Variants in ATF6B observed in about 807,000 individuals in gnomAD.
The protein encoded by ATF6B is activating transcription factor 6 beta, also known as cyclic AMP-dependent transcription factor ATF-6 beta.
Under a neutral mutation model 83.5 loss-of-function variants are expected in ATF6B, and 50 were observed. The observed-to-expected ratio is 0.60, with a 90% CI of 0.48 to 0.76. ATF6B has a LOEUF of 0.76. Among genes scored for constraint, ATF6B ranks in the 30% least tolerant of loss-of-function variants. ATF6B has a pLI of 0.00. For synonymous variants in ATF6B, 344 were observed against 362.8 expected (o/e 0.95, Z 0.59); for missense variants, 790 against 893.8 (o/e 0.88, Z 1.48).
In ATF6B at chr6:32,128,211, T is replaced by TA; in HGVS notation, c.-5_-4insT. 6.5e-7 allele frequency: 1 copy of TA among 1,536,862 alleles called. No individual in the cohort carries two copies. The highest frequency in any genetic ancestry group is 1.1e-5 in the South Asian group (1 of 87,860). ...TGAGCAGCATCAGCTCCGCCATCTT[T>TA]CCCCCCCACCCCCCAACCAGGAGAC... On this transcript the variant is annotated 5_prime_UTR_variant, in exon 1 of 18. Coordinates refer to ENST00000375203, the MANE Select transcript of ATF6B (RefSeq NM_004381.5).
rs1008681513 is a variant in ATF6B at position 32,117,390 on chromosome 6, A to G, written c.1547T>C (p.Leu516Ser). ...CTGGTGGCGCTGGACCCAGCCACTCAACTCGTCAGCAAGCCTGGGGAAATG... is the reference window on the plus strand; with the variant it reads ...CTGGTGGCGCTGGACCCAGCCACTCGACTCGTCAGCAAGCCTGGGGAAATG... ...RTESLRLADELSGWVQRHQRG... is the reference protein window; with the variant it reads ...RTESLRLADESSGWVQRHQRG... The change falls in exon 14 of 18, where the codon TTG (leucine) becomes TCG (serine). Residue 516 changes from leucine (L) to serine (S), a missense_variant. This residue lies in a region of ATF6B where 530 missense variants were observed against 632.6 expected (regional missense o/e 0.84). Coordinates refer to ENST00000375203, the MANE Select transcript of ATF6B (RefSeq NM_004381.5). This position sits in a 1 kb window ranked among gnomAD's most constrained non-coding sequence, Gnocchi z 5.0. The G allele has an allele frequency of 3.9e-5, 63 of 1,613,912 alleles. No homozygotes were observed. Among genetic ancestry groups the G allele is most frequent in the Non-Finnish European group, 5.3e-5 (63 of 1,179,972 alleles).
chr6:32,121,209 G>A, intron 6 of ATF6B, 54 bp downstream of exon 6: 1 of 1,610,354 alleles, frequency 6.2e-7, no homozygotes, highest in Non-Finnish European at 8.5e-7. Context: ...CATACCTCTA[G>A]GTCAGGAGGA....
chr6:32,116,895 G>C lies in ATF6B; in HGVS notation c.1686-80C>G. 1.3e-6 allele frequency: 2 copies of C among 1,555,724 alleles called. No individual in the cohort carries two copies. The highest frequency in any genetic ancestry group is 1.4e-5 in the African/African-American group (1 of 73,580). On this transcript the variant is annotated intron_variant, in intron 15 of 17. Coordinates refer to ENST00000375203, the MANE Select transcript of ATF6B (RefSeq NM_004381.5). This position sits in a 1 kb window ranked among gnomAD's most constrained non-coding sequence, Gnocchi z 5.1. Reference sequence around the variant, plus strand: ...TACCAGGGAAGCGGGTAGGATGAGAGAAAAAGACAGGAGACCCCCAGTGGA... The same window carrying C: ...TACCAGGGAAGCGGGTAGGATGAGACAAAAAGACAGGAGACCCCCAGTGGA...
intron 4 of ATF6B, 22 bp downstream of exon 4, chr6:32,127,081 A>G: frequency 1.3e-6 from 2 of 1,545,064 alleles, no homozygotes; most frequent in Non-Finnish European, 1.8e-6. Flanking sequence ...CACAGAGAGT[A>G]AGAGGGATAT....
rs1781630240 is a variant in ATF6B at position 32,118,689 on chromosome 6, G to A, written c.1244+86C>T. 2 of 1,371,186 alleles carry A rather than the reference G, an allele frequency of 1.5e-6. No homozygotes were observed. Among genetic ancestry groups the A allele is most frequent in the South Asian group, 1.2e-5 (1 of 83,862 alleles). 84.9% of individuals were successfully genotyped at this position (1,371,186 alleles called of 1,614,324 possible). ...AGAACCATTTGTATATAAGCAGAAG[G>A]AAATGGCCTGGGCCAAAGCAGGCAG... On this transcript the variant is annotated intron_variant, in intron 11 of 17. Transcript: ENST00000375203. The surrounding 1 kb of genome is among the most constrained non-coding windows in gnomAD (Gnocchi z 5.2).
In ATF6B at chr6:32,127,779, C is replaced by CG. The variant is rs766349344; in HGVS notation, c.92-30dup. On this transcript the variant is annotated intron_variant, in intron 1 of 17. Transcript: ENST00000375203. The stretch of plus-strand genomic sequence containing the variant: ...CAAGAAATGCTGAGCGTCGGGGGGT[C>CG]GTTCGGTGGCCCCAGCCTACAGATC... 7.1e-5 allele frequency: 114 copies of CG among 1,610,022 alleles called. No individual in the cohort carries two copies. In the African/African-American group the frequency reaches 1.5e-3, roughly 21 times the overall value.
chr6:32,117,494 G>A lies in ATF6B; in HGVS notation c.1533-90C>T. 6.3e-7 allele frequency: 1 copy of A among 1,592,098 alleles called. No homozygotes were observed. The highest frequency in any genetic ancestry group is 1.1e-5 in the South Asian group (1 of 89,622). On this transcript the variant is annotated intron_variant, in intron 13 of 17. Transcript: ENST00000375203. The surrounding 1 kb of genome is among the most constrained non-coding windows in gnomAD (Gnocchi z 5.0). ...CACAGGAGTGAGGAGAGGGCAGGGA[G>A]CACTGGCGCTTTAGTACACAGGCCA...
intron 1 of ATF6B, 48 bp downstream of exon 1, chr6:32,128,069 G>T: frequency 1.3e-6 from 2 of 1,599,334 alleles, no homozygotes; most frequent in Admixed American, 1.7e-5. Context: ...TTTCCCGCGT[G>T]CCTCAGGGAC....
rs1781931372 is a variant in ATF6B at position 32,125,485 on chromosome 6, G to C, written c.478+632C>G. Among the ~76,000 whole-genome samples, 1 of 152,162 alleles carries C rather than the reference G, an allele frequency of 6.6e-6. No homozygotes were observed. Among genetic ancestry groups the C allele is most frequent in the African/African-American group, 2.4e-5 (1 of 41,430 alleles). On this transcript the variant is annotated intron_variant, in intron 5 of 17. Transcript: ENST00000375203. This position sits in a 1 kb window ranked among gnomAD's most constrained non-coding sequence, Gnocchi z 4.1. ...TATGTTTAAAAATGTTTATGGGCTGGGCGCGATGGCTCACGCCTGTAATCT... is the reference window on the plus strand; with the variant it reads ...TATGTTTAAAAATGTTTATGGGCTGCGCGCGATGGCTCACGCCTGTAATCT...
In ATF6B at chr6:32,115,703, CCT is replaced by C; in HGVS notation, c.*34_*35del. Reference sequence around the variant, plus strand: ...AGTCCCACCTGGCCACCTGGTACCCCCTCCCCCCGTTCTAAGTCAGTGTGAAT... The same window carrying C: ...AGTCCCACCTGGCCACCTGGTACCCCCCCCCCGTTCTAAGTCAGTGTGAAT... On this transcript the variant is annotated 3_prime_UTR_variant, in exon 18 of 18. Transcript: ENST00000375203. The C allele has an allele frequency of 1.3e-6, 2 of 1,522,502 alleles. No homozygotes were observed. Among genetic ancestry groups the C allele is most frequent in the Non-Finnish European group, 1.8e-6 (2 of 1,126,218 alleles). The allele number at this position is 1,522,502 out of a possible 1,614,324, so 94.3% of individuals were successfully genotyped here.
chr6:32,123,513 C>T (rs1582532273), intron 5 of ATF6B, among the ~76,000 whole-genome samples: 2 of 152,170 alleles, frequency 1.3e-5, no homozygotes, highest in African/African-American at 4.8e-5. Context: ...CTCAGCCTCC[C>T]GAGTAGCTGA....
rs1239551147 is a variant in ATF6B, at chr6:32,117,565, G to A, written c.1532+22C>T. On this transcript the variant is annotated intron_variant, in intron 13 of 17. Coordinates refer to ENST00000375203, the MANE Select transcript of ATF6B (RefSeq NM_004381.5). The surrounding 1 kb of genome is among the most constrained non-coding windows in gnomAD (Gnocchi z 5.0). ...CCTTGGGAGGCCGGGGGAGCTGGAT[G>A]CCCCAGCAATGAATCCCACACCTCA... 8 of 1,609,660 alleles carry A rather than the reference G, an allele frequency of 5.0e-6. No homozygotes were observed. Among genetic ancestry groups the A allele is most frequent in the African/African-American group, 1.3e-5 (1 of 74,902 alleles).
chr6:32,121,235 T>G, intron 6 of ATF6B, 28 bp downstream of exon 6: 1 of 1,612,616 alleles, frequency 6.2e-7, no homozygotes, highest in South Asian at 1.1e-5. Flanking sequence ...CTGGAAAACC[T>G]GGAGGAAGGA....
At chr6:32,127,846 C>T in intron 1 of ATF6B, 96 bp from the exon 2 acceptor site, 1 of 1,346,406 alleles carries the variant, frequency 7.4e-7, no homozygotes, top group Non-Finnish European at 1.0e-6. Flanking sequence ...CTCCGCTCGG[C>T]CAGACCCACC....
chr6:32,120,688 T>G, intron 8 of ATF6B, 83 bp downstream of exon 8: 1 of 1,502,176 alleles, frequency 6.7e-7, no homozygotes, highest in Non-Finnish European at 9.0e-7. Context: ...TGACCTCAGG[T>G]GATTCGCCCG....
Position 32,117,050 on chromosome 6 carries a change from C to T in ATF6B, c.1672G>A (p.Gly558Arg), listed in dbSNP as rs1392482452. 1 of 1,613,952 alleles carries T rather than the reference C, an allele frequency of 6.2e-7. No homozygotes were observed. The highest frequency in any genetic ancestry group is 2.2e-5 in the East Asian group (1 of 44,892). ...CCCCACACTCACCTTTCTGGGGGTCCAGGGGGTTGGATGGGGACTGCCTTA... is the reference window on the plus strand; with the variant it reads ...CCCCACACTCACCTTTCTGGGGGTCTAGGGGGTTGGATGGGGACTGCCTTA... ...PVKAVPIQPP[G>R]PPERDSVGQL... The change falls in exon 15 of 18, where the codon GGA becomes AGA. Residue 558 changes from glycine to arginine, a missense_variant. Transcript: ENST00000375203. The surrounding 1 kb of genome is among the most constrained non-coding windows in gnomAD (Gnocchi z 5.0).
Position 32,118,065 on chromosome 6 carries a change from A to G in ATF6B, c.1245-27T>C, listed in dbSNP as rs911521698. The G allele has an allele frequency of 7.4e-6, 12 of 1,613,700 alleles. No homozygotes were observed. Among genetic ancestry groups the G allele is most frequent in the Non-Finnish European group, 1.0e-5 (12 of 1,179,800 alleles). ...TGTGGATAAAGAAGGACTGAGCACA[A>G]TGAAGAATTTCAGCTGTATCAAGTA... On this transcript the variant is annotated intron_variant, in intron 11 of 17. Coordinates refer to ENST00000375203, the MANE Select transcript of ATF6B (RefSeq NM_004381.5). The surrounding 1 kb of genome is among the most constrained non-coding windows in gnomAD (Gnocchi z 5.2).
In ATF6B at chr6:32,117,803, G is replaced by C; in HGVS notation, c.1424+56C>G. On this transcript the variant is annotated intron_variant, in intron 12 of 17. Transcript: ENST00000375203. This position sits in a 1 kb window ranked among gnomAD's most constrained non-coding sequence, Gnocchi z 5.0. ...TTTGGGTCCCCCTCACTGAAAGCGG[G>C]GAGAAGACCAACTCATACCCTCAAA... 1 of 1,565,812 alleles carries C rather than the reference G, an allele frequency of 6.4e-7. No homozygotes were observed. Among genetic ancestry groups the C allele is most frequent in the Non-Finnish European group, 8.6e-7 (1 of 1,156,320 alleles).
Position 32,119,987 on chromosome 6 carries a change from T to C in ATF6B, c.833-30A>G. ...GGCAAGTGAGCAGAGGTCAGAGGGC[T>C]GTGCGCTGGGTGGGGTCCTTGTGTC... On this transcript the variant is annotated intron_variant, in intron 8 of 17. Transcript: ENST00000375203. This position sits in a 1 kb window ranked among gnomAD's most constrained non-coding sequence, Gnocchi z 4.9. 1 of 1,605,956 alleles carries C rather than the reference T, an allele frequency of 6.2e-7. No individual in the cohort carries two copies. Among genetic ancestry groups the C allele is most frequent in the Non-Finnish European group, 8.5e-7 (1 of 1,175,338 alleles).
Sources: allele counts gnomAD v4.1 joint callset (sites outside exome capture counted in the v4.1 genomes callset), GRCh38; gene constraint gnomAD v4.1.1; regional missense constraint gnomAD v4.1.1; non-coding constraint Gnocchi (gnomAD v3.1); transcripts MANE v1.5; gene names NCBI Gene and HGNC (gene_info 2026-07-23, HGNC 2026-07-21).